The following TELO2 variants were observed in gnomAD, a reference collection of about 807,000 sequenced individuals.
TELO2 encodes the protein telomere maintenance 2.
A neutral mutation model predicts 91.0 loss-of-function variants in TELO2; 71 were observed. That is an observed-to-expected ratio of 0.78 (90% CI 0.64 to 0.95). The LOEUF (loss-of-function observed/expected upper bound fraction) is 0.95, where lower values mean the gene tolerates loss of function less well. Among genes scored for constraint, TELO2 ranks in the 40% least tolerant of loss-of-function variants. The pLI is 0.00. For missense variants in TELO2, 1,183 were observed against 1,141.3 expected (o/e 1.04, Z -0.53); for synonymous variants, 584 against 518.9 (o/e 1.13, Z -1.71).
Position 1,494,410 on chromosome 16 carries a change from G to T in TELO2, c.129G>T (p.Glu43Asp). 1 of 1,613,354 alleles carries T rather than the reference G, an allele frequency of 6.2e-7. No individual in the cohort carries two copies. The change falls in exon 2 of 21, where the codon GAG becomes GAT. Residue 43 changes from glutamate to aspartate, a missense_variant. Physicochemically the swap from Glu to Asp is conservative, Grantham distance 45. Transcript: ENST00000262319. This position sits in a 1 kb window ranked among gnomAD's most constrained non-coding sequence, Gnocchi z 5.6. ...ESLKRYLGEM[E>D]PPALPREKEE... is the part of the protein sequence containing the mutation. ...TGAAGCGGTATCTCGGTGAGATGGAGCCTCCAGCGCTCCCGAGGGAGAAGG... is the reference window on the plus strand; with the variant it reads ...TGAAGCGGTATCTCGGTGAGATGGATCCTCCAGCGCTCCCGAGGGAGAAGG...
In TELO2 at chr16:1,496,594, T is replaced by C. The variant is rs185731335; in HGVS notation, c.614-442T>C. 2.8e-3 allele frequency among the ~76,000 whole-genome samples: 430 copies of C among 152,290 alleles called. 2 individuals carry two copies. Among genetic ancestry groups the C allele is most frequent in the Non-Finnish European group, 4.0e-3 (270 of 68,006 alleles). ...CGTCCCAGCTCTTCTGTGGGGCTGG[T>C]ACAGCCCGGCCCCTCCCGGTTCCCC... On this transcript the variant is annotated intron_variant, in intron 3 of 20. Coordinates refer to ENST00000262319, the MANE Select transcript of TELO2 (RefSeq NM_016111.4).
Position 1,504,942 on chromosome 16 carries a change from C to T in TELO2, c.1843-468C>T, listed in dbSNP as rs114312658. On this transcript the variant is annotated intron_variant, in intron 15 of 20. Transcript: ENST00000262319. ...ACCCCATCCCTGTCAGCAGTCGCCCCGACCCTCCCAGCCTGGGAGCCTCCG... is the reference window on the plus strand; with the variant it reads ...ACCCCATCCCTGTCAGCAGTCGCCCTGACCCTCCCAGCCTGGGAGCCTCCG... 7.8e-3 allele frequency among the ~76,000 whole-genome samples: 1,191 copies of T among 152,230 alleles called. 21 individuals carry two copies. Among genetic ancestry groups the T allele is most frequent in the African/African-American group, 0.026 (1,092 of 41,530 alleles).
intron 9 of TELO2, 29 bp downstream of exon 9, chr16:1,500,728 G>A (rs745308939): frequency 2.5e-5 from 41 of 1,608,370 alleles, no homozygotes; most frequent in Middle Eastern, 1.9e-4. Flanking sequence ...CCGCGTCCCC[G>A]TGTGGCTGGC....
chr16:1,495,638 C>CG lies in TELO2; in HGVS notation c.613+19dup. 2 of 1,570,328 alleles carry CG rather than the reference C, an allele frequency of 1.3e-6. No individual in the cohort carries two copies. Among genetic ancestry groups the CG allele is most frequent in the Non-Finnish European group, 1.7e-6 (2 of 1,154,056 alleles). Reference sequence around the variant, plus strand: ...CTCTCTCCAAGGTGAGGCCCTGCCTCGGGGACCCCCTTTGCCACCCGTCTT... The same window carrying CG: ...CTCTCTCCAAGGTGAGGCCCTGCCTCGGGGGACCCCCTTTGCCACCCGTCTT... On this transcript the variant is annotated intron_variant, in intron 3 of 20. Coordinates refer to ENST00000262319, the MANE Select transcript of TELO2 (RefSeq NM_016111.4).
chr16:1,493,911 G>T lies in TELO2; in HGVS notation c.-37+306G>T, dbSNP rs1330453869. Among the ~76,000 whole-genome samples, 1 of 152,218 alleles carries T rather than the reference G, an allele frequency of 6.6e-6. No individual in the cohort carries two copies. The highest frequency in any genetic ancestry group is 1.5e-5 in the Non-Finnish European group (1 of 68,036). On this transcript the variant is annotated intron_variant, in intron 1 of 20. Coordinates refer to ENST00000262319, the MANE Select transcript of TELO2 (RefSeq NM_016111.4). This position sits in a 1 kb window ranked among gnomAD's most constrained non-coding sequence, Gnocchi z 4.3. ...TTTCCCGCCTTGGGTGCGAGGACGC[G>T]TGGGGCCGCGCTGTGCCCGGGGAAC...
rs992516438 is a variant in TELO2 at position 1,497,575 on chromosome 16, C to A, written c.830+67C>A. 29 of 1,483,876 alleles carry A rather than the reference C, an allele frequency of 2.0e-5. No individual in the cohort carries two copies. The highest frequency in any genetic ancestry group is 2.6e-5 in the Non-Finnish European group (29 of 1,115,412). 91.9% of individuals were successfully genotyped at this position (1,483,876 alleles called of 1,614,324 possible). ...GTCTGGACCCCCAGAGGCTGCCATT[C>A]CTTCACGCTACTTCTCCTGGGCGCC... On this transcript the variant is annotated intron_variant, in intron 5 of 20. Transcript: ENST00000262319. This position sits in a 1 kb window ranked among gnomAD's most constrained non-coding sequence, Gnocchi z 4.0.
Position 1,505,642 on chromosome 16 carries a change from G to A in TELO2, c.2034+41G>A, listed in dbSNP as rs200210338. On this transcript the variant is annotated intron_variant, in intron 16 of 20. Coordinates refer to ENST00000262319, the MANE Select transcript of TELO2 (RefSeq NM_016111.4). This position sits in a 1 kb window ranked among gnomAD's most constrained non-coding sequence, Gnocchi z 4.3. ...TCAGCTCCTCACGGGCATGGGGACC[G>A]TGGGTGGGTGGGAAGGGCGGTCAGA... 27 of 1,496,210 alleles carry A rather than the reference G, an allele frequency of 1.8e-5. No homozygotes were observed. The highest frequency in any genetic ancestry group is 2.8e-5 in the African/African-American group (2 of 70,906). The allele number at this position is 1,496,210 out of a possible 1,614,324, so 92.7% of individuals were successfully genotyped here. A position where few individuals can be genotyped will look rare whatever the true frequency, so the allele number is the denominator to read the frequency against.
intron 5 of TELO2, 84 bp from the exon 6 acceptor site, chr16:1,499,147 G>A (rs530583354): frequency 1.2e-4 from 165 of 1,432,226 alleles, no homozygotes; most frequent in South Asian, 1.7e-4. Flanking sequence ...TCAGGCCGCC[G>A]TCTGTGGGCA....
In TELO2 at chr16:1,495,541, C is replaced by A; in HGVS notation, c.531C>A (p.Ala177=). 6.2e-7 allele frequency: 1 copy of A among 1,611,842 alleles called. No homozygotes were observed. The highest frequency in any genetic ancestry group is 1.1e-5 in the South Asian group (1 of 91,068). ...ACCGCCTGCAGCAGGAGAACTTGGC[C>A]GAGTTCTTCCCCCAGAACTACTTCC... ...LGNRLQQENL[A]EFFPQNYFRL... Residue 177 remains alanine, a synonymous_variant, in exon 3 of 21, where the codon GCC becomes GCA. Transcript: ENST00000262319.
At chr16:1,498,338 T>C (rs1294807934) in intron 5 of TELO2, among the ~76,000 whole-genome samples, 2 of 152,142 alleles carry the variant, frequency 1.3e-5, no homozygotes, top group African/African-American at 4.8e-5. Context: ...TGATTCTGGG[T>C]GAGGGTGTGT....
chr16:1,501,538 A>G lies in TELO2; in HGVS notation c.1361+39A>G, dbSNP rs1480682648. ...CCCCCCGGGACCCCACCGCGTGCAC[A>G]TCTTACTGCTCTGGATTCCGCTGCC... On this transcript the variant is annotated intron_variant, in intron 10 of 20. Transcript: ENST00000262319. 3 of 1,583,606 alleles carry G rather than the reference A, an allele frequency of 1.9e-6. No homozygotes were observed. The African/African-American group carries it at 4.0e-5, about 21-fold the overall frequency.
In TELO2 at chr16:1,497,158, A is replaced by G; in HGVS notation, c.682+54A>G. On this transcript the variant is annotated intron_variant, in intron 4 of 20. Transcript: ENST00000262319. The surrounding 1 kb of genome is among the most constrained non-coding windows in gnomAD (Gnocchi z 4.0). ...CCTGCCCCGACCCTCACAGCCCATC[A>G]GCCTTCTGCAGAAGGCCGAGAATCC... is the stretch of plus-strand genomic sequence containing the variant. 6.2e-7 allele frequency: 1 copy of G among 1,601,776 alleles called. No homozygotes were observed. Among genetic ancestry groups the G allele is most frequent in the Non-Finnish European group, 8.5e-7 (1 of 1,170,970 alleles).
In TELO2 at chr16:1,499,234, T is replaced by G; in HGVS notation, c.834T>G (p.Pro278=). The change falls in exon 6 of 21, where the codon CCT becomes CCG. Residue 278 remains proline (P), a synonymous_variant. Transcript: ENST00000262319. ...GGCCCCTGACTCTGTCTTGCAGGCC[T>G]GAGGTCCTTTCGAGACTGCTGGGGA... is the stretch of plus-strand genomic sequence containing the variant. ...LTGLVEAALG[P]EVLSRLLGNL... 6.2e-7 allele frequency: 1 copy of G among 1,613,956 alleles called. No homozygotes were observed. The highest frequency in any genetic ancestry group is 8.5e-7 in the Non-Finnish European group (1 of 1,179,976).
In TELO2 at chr16:1,507,686, G is replaced by T; in HGVS notation, c.2377G>T (p.Glu793Ter). Residue 793 changes from glutamate to a stop codon, truncating the protein, a stop_gained, in exon 20 of 21, where the codon GAG becomes TAG. Coordinates refer to ENST00000262319, the MANE Select transcript of TELO2 (RefSeq NM_016111.4). LOFTEE classifies it low-confidence loss of function (END_TRUNC). ...AARLLEDLMD[E>*]LLEARSWLAD... ...GCGCCTGCTGGAGGACCTGATGGAC[G>T]AGCTGCTGGAAGCCCGGTCCTGGCT... 1 of 1,604,310 alleles carries T rather than the reference G, an allele frequency of 6.2e-7. No homozygotes were observed. The highest frequency in any genetic ancestry group is 1.1e-5 in the South Asian group (1 of 90,804).
At chr16:1,495,718 G>A (rs2039466519) in intron 3 of TELO2, 95 bp downstream of exon 3, 1 of 1,471,612 alleles carries the variant, frequency 6.8e-7, no homozygotes, top group Admixed American at 2.2e-5. Flanking sequence ...TGGAGACTTT[G>A]GAGTCTCTGG....
At position 1,500,327 on chromosome 16, in the gene TELO2, G is replaced by A. The variant is rs113870882; in HGVS notation, c.1003-20G>A. On this transcript the variant is annotated intron_variant, in intron 7 of 20. Transcript: ENST00000262319. ...GACTGGCCCCGAGCCCCACACAGTC[G>A]TGGGCCATGCCACCTGCAGGTGCTG... 8.7e-3 allele frequency: 13,653 copies of A among 1,568,654 alleles called. 974 individuals carry two copies. In the African/African-American group the frequency reaches 0.16, roughly 18 times the overall value.
intron 20 of TELO2, among the ~76,000 whole-genome samples, chr16:1,509,360 C>T (rs2040034623): frequency 6.6e-6 from 1 of 152,216 alleles, no homozygotes; most frequent in Non-Finnish European, 1.5e-5. Flanking sequence ...CCCGGGGCCC[C>T]AGGCTGCAGG....
intron 16 of TELO2, 92 bp from the exon 17 acceptor site, chr16:1,506,146 C>G: frequency 1.4e-6 from 2 of 1,409,582 alleles, no homozygotes; most frequent in Non-Finnish European, 2.0e-6. Context: ...AGGCTGAGGT[C>G]CACGCTGCTT....
intron 20 of TELO2, 68 bp downstream of exon 20, chr16:1,507,784 G>C: frequency 7.7e-7 from 1 of 1,294,692 alleles, no homozygotes; most frequent in Non-Finnish European, 1.0e-6. Context: ...ATGTGTGTGT[G>C]TGTGTGTGAG....
Sources: gnomAD v4.1 joint callset for allele counts (sites outside exome capture counted in the v4.1 genomes callset) on GRCh38, gnomAD v4.1.1 for gene constraint, Gnocchi (gnomAD v3.1) non-coding constraint, MANE v1.5 for transcripts, NCBI Gene and HGNC (gene_info 2026-07-23, HGNC 2026-07-21) for gene names.